Variants in ZNF83 observed in about 807,000 individuals in gnomAD.
ZNF83 encodes the protein zinc finger protein 816B.
For synonymous variants in ZNF83, 209 were observed against 213.0 expected (o/e 0.98, Z 0.17); for missense variants, 552 against 629.9 (o/e 0.88, Z 1.32).
chr19:52,651,201 T>C (rs2061436856), intron 3 of ZNF83: 1 of 152,224 alleles, frequency 6.6e-6, no homozygotes, highest in Non-Finnish European at 1.5e-5. Flanking sequence ...TCAGCAAAAT[T>C]CCATATGACC....
chr19:52,649,701 A>T (rs532243975), intron 3 of ZNF83, among the ~76,000 whole-genome samples: 16 of 152,358 alleles, frequency 1.1e-4, no homozygotes, highest in African/African-American at 3.8e-4. Context: ...GCACATTTGG[A>T]TCCAGAAGAC....
chr19:52,682,252 G>A (rs948327310), intron 1 of ZNF83, among the ~76,000 whole-genome samples: 3 of 151,932 alleles, frequency 2.0e-5, no homozygotes, highest in East Asian at 1.9e-4. Flanking sequence ...TGTTTTCTAC[G>A]TAACCATGGA....
At chr19:52,641,688 A>G (rs949514472), upstream of ZNF83, among the ~76,000 whole-genome samples, 38 of 151,860 alleles carry the variant, frequency 2.5e-4, no homozygotes, top group Non-Finnish European at 4.7e-4. Context: ...TTTTTTTCCT[A>G]TTCTTTTTTT....
chr19:52,632,162 A>G (rs982886831), intron 2 of ZNF83, among the ~76,000 whole-genome samples: 1 of 152,124 alleles, frequency 6.6e-6, no homozygotes, highest in Non-Finnish European at 1.5e-5. Context: ...TCCCACCTCT[A>G]TACAGTCTGA....
chr19:52,617,975 TC>T (rs1467321315), intron 2 of ZNF83: 1 of 152,314 alleles, frequency 6.6e-6, no homozygotes, highest in African/African-American at 2.4e-5. Flanking sequence ...TCCTTCTGAA[TC>T]TTTAAAGAGC....
chr19:52,613,265 A>G (rs545029741), exon 3 of ZNF83: 1 of 1,614,084 alleles, frequency 6.2e-7, no homozygotes, highest in South Asian at 1.1e-5. Flanking sequence ...ACCTTCCCAC[A>G]TTCATTACAT....
intron 3 of ZNF83, chr19:52,654,269 C>G: frequency 6.4e-7 from 1 of 1,558,250 alleles, no homozygotes; most frequent in Non-Finnish European, 8.8e-7. Context: ...TCATGAATAT[C>G]TTTCTTGATT....
At chr19:52,613,339 A>C in exon 3 of ZNF83, 1 of 1,614,024 alleles carries the variant, frequency 6.2e-7, no homozygotes, top group Non-Finnish European at 8.5e-7. Context: ...TTGACTGAAG[A>C]CTTTGCCACA....
intron 1 of ZNF83, among the ~76,000 whole-genome samples, chr19:52,665,581 C>A (rs1214699213): frequency 6.6e-6 from 1 of 152,164 alleles, no homozygotes; most frequent in South Asian, 2.1e-4. Context: ...TACTTTTAAA[C>A]TTAACTTCCT....
intron 2 of ZNF83, among the ~76,000 whole-genome samples, chr19:52,660,282 A>C (rs1383879070): frequency 6.6e-6 from 1 of 152,168 alleles, no homozygotes; most frequent in African/African-American, 2.4e-5. Context: ...AGAAGAAGCA[A>C]TCAGTTTTCA....
chr19:52,664,920 A>G (rs1288841855), intron 1 of ZNF83, among the ~76,000 whole-genome samples: 1 of 151,962 alleles, frequency 6.6e-6, no homozygotes, highest in Non-Finnish European at 1.5e-5. Flanking sequence ...GGGAAATAGT[A>G]CCTCCCTGAG....
At chr19:52,689,051 A>G (rs1290431291) in intron 1 of ZNF83, among the ~76,000 whole-genome samples, 1 of 151,700 alleles carries the variant, frequency 6.6e-6, no homozygotes, top group Admixed American at 6.6e-5. Context: ...GTATTTAGTC[A>G]GTTCTTGTTT....
chr19:52,625,361 C>T (rs1283266808), intron 2 of ZNF83, among the ~76,000 whole-genome samples: 1 of 152,122 alleles, frequency 6.6e-6, no homozygotes, highest in East Asian at 1.9e-4. Context: ...ATCATTAATG[C>T]CTCCTTAATA....
chr19:52,648,761 T>C (rs1433025958), intron 3 of ZNF83, among the ~76,000 whole-genome samples: 1 of 152,148 alleles, frequency 6.6e-6, no homozygotes, highest in African/African-American at 2.4e-5. Context: ...ATCATCCAAC[T>C]CATCCTGAGA....
chr19:52,673,929 T>C (rs1395151917), intron 1 of ZNF83, among the ~76,000 whole-genome samples: 5 of 147,670 alleles, frequency 3.4e-5, no homozygotes, highest in East Asian at 2.0e-4. Context: ...GGCAGGAGAA[T>C]TGGTTGAAGC....
At chr19:52,637,346 C>T (rs919874740) in intron 1 of ZNF83, among the ~76,000 whole-genome samples, 1 of 152,118 alleles carries the variant, frequency 6.6e-6, no homozygotes, top group Admixed American at 6.6e-5. Context: ...GGTTCTCCCT[C>T]TGTTCTCCTT....
chr19:52,666,738 C>T lies in ZNF83; in HGVS notation c.-282-5895G>A, dbSNP rs571143632. ...ATTAACCACTGAAAATTCCATTAAC[C>T]CAGCAGGTTTTCTAACAGGGGGTCT... On this transcript the variant is annotated intron_variant, in intron 1 of 5. Coordinates refer to the ZNF83 transcript ENST00000594682. Among the ~76,000 whole-genome samples, 354 of 152,092 alleles carry T rather than the reference C, an allele frequency of 2.3e-3. 1 individual carries two copies. Among genetic ancestry groups the T allele is most frequent in the African/African-American group, 3.9e-3 (162 of 41,460 alleles).
chr19:52,636,308 C>G (rs1352444001), intron 1 of ZNF83: 1 of 152,032 alleles, frequency 6.6e-6, no homozygotes, highest in Non-Finnish European at 1.5e-5. Context: ...CAGACCCTGT[C>G]TCTTAATGTT....
intron 1 of ZNF83, among the ~76,000 whole-genome samples, chr19:52,688,579 C>T (rs1311465830): frequency 1.3e-5 from 2 of 151,914 alleles, no homozygotes; most frequent in Admixed American, 6.6e-5. Context: ...TTCTGCTCCT[C>T]ATTTTGTACC....
Sources: gnomAD v4.1 joint callset for allele counts (sites outside exome capture counted in the v4.1 genomes callset) on GRCh38, gnomAD v4.1.1 for gene constraint, MANE v1.5 for transcripts, NCBI Gene and HGNC (gene_info 2026-07-23, HGNC 2026-07-21) for gene names.